The following ZZEF1 variants were observed in gnomAD, a reference collection of about 807,000 sequenced individuals.
The protein encoded by ZZEF1 is zinc finger ZZ-type and EF-hand domain-containing protein 1.
A neutral mutation model predicts 342.8 loss-of-function variants in ZZEF1; 157 were observed. The ratio of observed to expected loss-of-function variants is 0.46; its 90% CI spans 0.40 to 0.52. The LOEUF (loss-of-function observed/expected upper bound fraction) is 0.52. Ranked by LOEUF, ZZEF1 falls within the 20% of genes least tolerant of loss-of-function variation. ZZEF1 has a pLI of 0.00. For synonymous variants in ZZEF1, 1,505 were observed against 1,429.1 expected (o/e 1.05, Z -1.20); for missense variants, 3,480 against 3,725.6 (o/e 0.93, Z 1.72).
At chr17:4,075,005 T>G in intron 23 of ZZEF1, 92 bp downstream of exon 23, 1 of 1,297,684 alleles carries the variant, frequency 7.7e-7, no homozygotes, top group East Asian at 2.3e-5. Flanking sequence ...ATGCCTCCCT[T>G]CAAAGACCTT....
chr17:4,022,160 T>C lies in ZZEF1; in HGVS notation c.7212+549A>G, dbSNP rs143807487. Among the ~76,000 whole-genome samples the C allele has an allele frequency of 9.1e-4, 138 of 152,166 alleles. 1 individual carries two copies. The highest frequency in any genetic ancestry group is 3.0e-3 in the African/African-American group (124 of 41,550). On this transcript the variant is annotated intron_variant, in intron 44 of 54. Transcript: ENST00000381638. ...GTGAATGGCCGCTCACTCCCTCCTA[T>C]GTGGCGGCAGCCTTTCCTGGGCCTG...
At chr17:4,026,609 C>T (rs1283334978) in intron 42 of ZZEF1, among the ~76,000 whole-genome samples, 1 of 151,464 alleles carries the variant, frequency 6.6e-6, no homozygotes, top group Non-Finnish European at 1.5e-5. Context: ...GCAACCTCCA[C>T]CTCCCAGGTT....
rs375685485 is a variant in ZZEF1 at position 4,064,641 on chromosome 17, C to T, written c.4438G>A (p.Ala1480Thr). 63 of 1,614,094 alleles carry T rather than the reference C, an allele frequency of 3.9e-5. No homozygotes were observed. Among genetic ancestry groups the T allele is most frequent in the South Asian group, 3.4e-4 (31 of 91,082 alleles). Reference sequence around the variant, plus strand: ...CTCTGGTCTCCTGTGGCAGGGGGTGCGGCTTCAGTGGGAGATACTGAGGCT... The same window carrying T: ...CTCTGGTCTCCTGTGGCAGGGGGTGTGGCTTCAGTGGGAGATACTGAGGCT... Reference protein sequence around the residue: ...FQASVSPTEAAPPATGDQSPG... With the variant: ...FQASVSPTEATPPATGDQSPG... The change falls in exon 29 of 55, where the codon GCA becomes ACA. Residue 1480 changes from alanine to threonine, a missense_variant. Ala to Thr is a moderately conservative substitution (Grantham distance 58). Around this residue, in one of 5 missense-constraint regions of ZZEF1, gnomAD observed 1,528 missense variants for 1,624.1 expected, o/e 0.94. Transcript: ENST00000381638.
At chr17:4,116,848 T>C (rs1167921682) in intron 3 of ZZEF1, 124 bp downstream of exon 3, 11 of 1,019,466 alleles carry the variant, frequency 1.1e-5, no homozygotes, top group Non-Finnish European at 1.6e-5. Flanking sequence ...CATTCTTACG[T>C]TACAAACTCA....
intron 11 of ZZEF1, among the ~76,000 whole-genome samples, chr17:4,094,768 C>T (rs996562133): frequency 6.6e-6 from 1 of 152,168 alleles, no homozygotes; most frequent in Admixed American, 6.5e-5. Flanking sequence ...CAGGTCCTGT[C>T]GCTTCTCCCT....
At chr17:4,057,062 T>C (rs2057176728) in intron 32 of ZZEF1, among the ~76,000 whole-genome samples, 1 of 152,250 alleles carries the variant, frequency 6.6e-6, no homozygotes, top group Non-Finnish European at 1.5e-5. Flanking sequence ...CATTCATTCA[T>C]GCATTCCAAC....
chr17:4,068,688 G>A (rs1260715878), intron 26 of ZZEF1, among the ~76,000 whole-genome samples: 17 of 152,274 alleles, frequency 1.1e-4, no homozygotes, highest in Admixed American at 7.8e-4. Flanking sequence ...GCTCTCTTTT[G>A]CATCTATGTT....
chr17:4,138,748 A>G (rs915425136), intron 1 of ZZEF1, among the ~76,000 whole-genome samples: 4 of 152,224 alleles, frequency 2.6e-5, no homozygotes, highest in Non-Finnish European at 4.4e-5. Flanking sequence ...TCTGCCCTAG[A>G]AGATTTTCTA....
intron 21 of ZZEF1, 108 bp from the exon 22 acceptor site, chr17:4,075,537 C>T: frequency 7.7e-7 from 1 of 1,293,116 alleles, no homozygotes; most frequent in East Asian, 2.3e-5. Context: ...GCCTTGACAG[C>T]CCTGCACAAA....
chr17:4,064,284 G>T, intron 29 of ZZEF1, 77 bp downstream of exon 29: 1 of 1,119,514 alleles, frequency 8.9e-7, no homozygotes, highest in Non-Finnish European at 1.3e-6. Flanking sequence ...TTTTTAACAT[G>T]AACTTCAAGC....
chr17:4,110,902 G>A (rs776972672), intron 5 of ZZEF1, among the ~76,000 whole-genome samples: 24 of 152,146 alleles, frequency 1.6e-4, no homozygotes, highest in Non-Finnish European at 2.6e-4. Context: ...TGGTAGAGAC[G>A]GAGTTTCACC....
At chr17:4,130,675 T>C (rs1246657767) in intron 1 of ZZEF1, among the ~76,000 whole-genome samples, 1 of 151,948 alleles carries the variant, frequency 6.6e-6, no homozygotes, top group African/African-American at 2.4e-5. Context: ...CGGGGACCAG[T>C]TCAAGACGTC....
intron 6 of ZZEF1, 91 bp from the exon 7 acceptor site, chr17:4,105,900 C>T (rs1471805272): frequency 1.0e-6 from 1 of 982,178 alleles, no homozygotes; most frequent in Non-Finnish European, 1.5e-6. Flanking sequence ...TTGACTAATC[C>T]CTTATAAACA....
At chr17:4,088,612 A>G (rs2057885078) in intron 13 of ZZEF1, 66 bp downstream of exon 13, 2 of 1,551,258 alleles carry the variant, frequency 1.3e-6, no homozygotes, top group Non-Finnish European at 1.8e-6. Context: ...GTTGGTGTTC[A>G]TTTCTCTGAA....
At chr17:4,033,223 A>G (rs711176) in intron 40 of ZZEF1, 13,860 of 468,418 alleles carry the variant, frequency 0.03, 1,513 homozygotes, top group African/African-American at 0.24. Context: ...GTTTCCAAAA[A>G]TATCTATAAA....
intron 18 of ZZEF1, among the ~76,000 whole-genome samples, chr17:4,078,556 AAAG>A (rs1167797665): frequency 1.3e-5 from 2 of 152,260 alleles, no homozygotes; most frequent in Non-Finnish European, 2.9e-5. Flanking sequence ...GAGTAAGTAG[AAAG>A]AAGAACAAGG....
At position 4,109,823 on chromosome 17, in the gene ZZEF1, G is replaced by T; in HGVS notation, c.1107C>A (p.Cys369Ter). 6.2e-7 allele frequency: 1 copy of T among 1,614,152 alleles called. No homozygotes were observed. The highest frequency in any genetic ancestry group is 8.5e-7 in the Non-Finnish European group (1 of 1,180,034). Residue 369 changes from cysteine to a stop codon, truncating the protein, a stop_gained, in exon 6 of 55, where the codon TGC becomes TGA. Coordinates refer to ENST00000381638, the MANE Select transcript of ZZEF1 (RefSeq NM_015113.4). LOFTEE classifies it high-confidence loss of function. Reference sequence around the variant, plus strand: ...CCCTGAGACCATGAATTCTAGTGTCGCAGCCATCGCTAAGACAACGCTTTA... The same window carrying T: ...CCCTGAGACCATGAATTCTAGTGTCTCAGCCATCGCTAAGACAACGCTTTA... ...INIKRCLSDGCDTRIHGLRAV... is the reference protein window; with the variant it reads ...INIKRCLSDG
intron 53 of ZZEF1, chr17:4,009,307 G>A (rs1170407399): frequency 1.8e-6 from 1 of 568,232 alleles, no homozygotes; most frequent in East Asian, 3.0e-5. Context: ...AGAGAAGGAA[G>A]CAGAAATAAC....
chr17:4,069,037 G>C (rs929789907), intron 26 of ZZEF1, among the ~76,000 whole-genome samples: 17 of 152,192 alleles, frequency 1.1e-4, no homozygotes, highest in African/African-American at 4.1e-4. Context: ...AGGCATTCTA[G>C]AAACAACCTG....
Sources: gnomAD v4.1 joint callset for allele counts (sites outside exome capture counted in the v4.1 genomes callset) on GRCh38, gnomAD v4.1.1 for gene constraint, gnomAD v4.1.1 regional missense constraint, MANE v1.5 for transcripts, NCBI Gene and HGNC (gene_info 2026-07-23, HGNC 2026-07-21) for gene names.